Variants in COL4A1 observed in about 807,000 individuals in gnomAD.
COL4A1 encodes the protein collagen alpha-1(IV) chain.
In COL4A1, 40 loss-of-function variants were observed where a neutral mutation model predicts 216.6. The ratio of observed to expected loss-of-function variants is 0.18; its 90% CI spans 0.14 to 0.24. The LOEUF (loss-of-function observed/expected upper bound fraction) is 0.24. Among genes scored for constraint, COL4A1 ranks in the 10% least tolerant of loss-of-function variants. The pLI is 1.00. For synonymous variants in COL4A1, 839 were observed against 810.7 expected, an observed-to-expected ratio of 1.03 and a Z score of -0.59; for missense variants, 1,628 against 2,196.8, an observed-to-expected ratio of 0.74 and a Z score of 5.18.
At chr13:110,297,228 G>T (rs992315405) in intron 1 of COL4A1, among the ~76,000 whole-genome samples, 2 of 152,162 alleles carry the variant, frequency 1.3e-5, no homozygotes, top group Admixed American at 6.5e-5. Flanking sequence ...TGCGGGGTGG[G>T]GGGGCCAGCC....
At position 110,209,436 on chromosome 13, in the gene COL4A1, G is replaced by C. The variant is rs1287263162; in HGVS notation, c.616-9C>G. On this transcript the variant is annotated splice_polypyrimidine_tract_variant and intron_variant, in intron 10 of 51. Transcript: ENST00000375820. Reference sequence around the variant, plus strand: ...GGAGGGCCTGGGGGACCCTGGGAGAGACAGCATTTTAATTAAATAGGATTC... The same window carrying C: ...GGAGGGCCTGGGGGACCCTGGGAGACACAGCATTTTAATTAAATAGGATTC... The C allele has an allele frequency of 3.1e-6, 5 of 1,595,772 alleles. No homozygotes were observed. The highest frequency in any genetic ancestry group is 4.3e-6 in the Non-Finnish European group (5 of 1,170,362).
intron 2 of COL4A1, among the ~76,000 whole-genome samples, chr13:110,221,329 A>C (rs1459417550): frequency 6.6e-6 from 1 of 152,248 alleles, no homozygotes; most frequent in Non-Finnish European, 1.5e-5. Flanking sequence ...TCAGCTTAAA[A>C]GAAAAAAATG....
chr13:110,178,709 T>C (rs1878002727), intron 31 of COL4A1, among the ~76,000 whole-genome samples: 1 of 151,994 alleles, frequency 6.6e-6, no homozygotes, highest in African/African-American at 2.4e-5. Flanking sequence ...AAGGTCTCTT[T>C]GTTTGGCACA....
chr13:110,192,187 T>C, intron 24 of COL4A1, 27 bp downstream of exon 24: 3 of 1,611,570 alleles, frequency 1.9e-6, no homozygotes, highest in Non-Finnish European at 1.7e-6. Context: ...TTCTGATATG[T>C]ACATGAACTC....
Position 110,170,686 on chromosome 13 carries a change from T to C in COL4A1, c.3603A>G (p.Gly1201=), listed in dbSNP as rs1877598103. 1.2e-6 allele frequency: 2 copies of C among 1,614,206 alleles called. No individual in the cohort carries two copies. The highest frequency in any genetic ancestry group is 1.7e-6 in the Non-Finnish European group (2 of 1,180,040). ...VGFPGLAGSP[G]IPGSKGEQGF... ...CTTGCTCTCCTTTGGATCCAGGAAT[T>C]CCTGGGCTCCCGGCTAATCCTGGGA... The change falls in exon 42 of 52, where the codon GGA becomes GGG. Residue 1201 remains glycine, a synonymous_variant. Coordinates refer to ENST00000375820, the MANE Select transcript of COL4A1 (RefSeq NM_001845.6).
At chr13:110,213,334 A>G (rs1264877078) in intron 4 of COL4A1, among the ~76,000 whole-genome samples, 5 of 152,242 alleles carry the variant, frequency 3.3e-5, no homozygotes. Context: ...AAGGCTGCCC[A>G]TGCACAAAAT....
intron 22 of COL4A1, among the ~76,000 whole-genome samples, 165 bp downstream of exon 22, chr13:110,194,858 C>G (rs535600641): frequency 1.3e-5 from 2 of 152,212 alleles, no homozygotes; most frequent in Non-Finnish European, 2.9e-5. Context: ...AACTAAGTTC[C>G]GGAAGATGCT....
chr13:110,150,545 GC>G, intron 51 of COL4A1, 101 bp from the exon 52 acceptor site: 1 of 1,226,550 alleles, frequency 8.2e-7, no homozygotes. Context: ...GATCAGCCCA[GC>G]CCCTGGCATC....
chr13:110,170,473 A>G, intron 42 of COL4A1, 74 bp downstream of exon 42: 1 of 1,471,628 alleles, frequency 6.8e-7, no homozygotes, highest in Non-Finnish European at 9.2e-7. Flanking sequence ...GAATTTAACT[A>G]TTTCTTTTAC....
intron 1 of COL4A1, among the ~76,000 whole-genome samples, chr13:110,254,838 C>T (rs927886095): frequency 6.6e-6 from 1 of 152,162 alleles, no homozygotes; most frequent in Non-Finnish European, 1.5e-5. Flanking sequence ...CCCTCCTTTT[C>T]CACAGAACTG....
chr13:110,294,967 T>C (rs2139316100), intron 1 of COL4A1, among the ~76,000 whole-genome samples: 1 of 152,390 alleles, frequency 6.6e-6, no homozygotes, highest in African/African-American at 2.4e-5. Flanking sequence ...AGTGTATATG[T>C]GTACATATGT....
Position 110,252,404 on chromosome 13 carries a change from A to G in COL4A1, c.85-9670T>C, listed in dbSNP as rs148462817. On this transcript the variant is annotated intron_variant, in intron 1 of 51. Transcript: ENST00000375820. ...TTAATTTTAAAGCATGTTTCTACAC[A>G]TAGTTATATGTGTATATGTATTATA... is the stretch of plus-strand genomic sequence containing the variant. 6.2e-3 allele frequency among the ~76,000 whole-genome samples: 913 copies of G among 148,344 alleles called. 15 individuals carry two copies. Among genetic ancestry groups the G allele is most frequent in the African/African-American group, 0.022 (871 of 39,570 alleles).
At chr13:110,247,910 G>C (rs1375286704) in intron 1 of COL4A1, among the ~76,000 whole-genome samples, 1 of 151,502 alleles carries the variant, frequency 6.6e-6, no homozygotes, top group Non-Finnish European at 1.5e-5. Flanking sequence ...CATGTCTTCT[G>C]ATGAAGGCAT....
At chr13:110,266,898 C>T (rs573463178) in intron 1 of COL4A1, among the ~76,000 whole-genome samples, 1 of 152,274 alleles carries the variant, frequency 6.6e-6, no homozygotes, top group Non-Finnish European at 1.5e-5. Flanking sequence ...TTGCATACTT[C>T]CTGACACTTT....
At chr13:110,168,813 C>T (rs1877464343) in intron 43 of COL4A1, among the ~76,000 whole-genome samples, 1 of 152,208 alleles carries the variant, frequency 6.6e-6, no homozygotes, top group Non-Finnish European at 1.5e-5. Flanking sequence ...CTCTCTCTTT[C>T]TCCTAACGTG....
chr13:110,187,222 A>G lies in COL4A1; in HGVS notation c.1644T>C (p.Phe548=), dbSNP rs1234243348. 2.5e-6 allele frequency: 4 copies of G among 1,613,968 alleles called. No individual in the cohort carries two copies. The highest frequency in any genetic ancestry group is 3.4e-6 in the Non-Finnish European group (4 of 1,179,932). The stretch of plus-strand genomic sequence containing the variant: ...TCCCTGGCATGCCGGGCTGTCCTGG[A>G]AAGCCTGGGTCTCCTTTGTCACCTT... ...RLKGDKGDPG[F]PGQPGMPGRA... The change falls in exon 25 of 52, where the codon TTT becomes TTC. Residue 548 remains phenylalanine (F), a synonymous_variant. Transcript: ENST00000375820.
rs1276880202 is a variant in COL4A1, at chr13:110,148,991, A to G, written c.*1372T>C. 1 of 152,912 alleles carries G rather than the reference A, an allele frequency of 6.5e-6. No individual in the cohort carries two copies. The highest frequency in any genetic ancestry group is 1.5e-5 in the Non-Finnish European group (1 of 68,218). 9.5% of individuals were successfully genotyped at this position (152,912 alleles called of 1,614,324 possible). On this transcript the variant is annotated 3_prime_UTR_variant, in exon 52 of 52. Transcript: ENST00000375820. ...GGTATGCAAAGCTTACAAATTTATT[A>G]GCAGCTTGTGCAGTAAGTTTCTTTT...
intron 1 of COL4A1, among the ~76,000 whole-genome samples, chr13:110,288,185 A>G (rs1007041372): frequency 1.1e-4 from 16 of 151,846 alleles, no homozygotes; most frequent in African/African-American, 3.9e-4. Flanking sequence ...AATAACTTGA[A>G]CACGGGAGGC....
intron 1 of COL4A1, among the ~76,000 whole-genome samples, chr13:110,284,019 C>A (rs908743504): frequency 6.6e-6 from 1 of 152,146 alleles, no homozygotes; most frequent in Non-Finnish European, 1.5e-5. Flanking sequence ...AGGCCAGGAG[C>A]CTTCAGCAAA....
Sources: gnomAD v4.1 joint callset for allele counts (sites outside exome capture counted in the v4.1 genomes callset) on GRCh38, gnomAD v4.1.1 for gene constraint, MANE v1.5 for transcripts, NCBI Gene and HGNC (gene_info 2026-07-23, HGNC 2026-07-21) for gene names.